The following MAPK6 variants were observed in gnomAD, a reference collection of about 807,000 sequenced individuals.
MAPK6 encodes the protein ERK-3.
Under a neutral mutation model 59.3 loss-of-function variants are expected in MAPK6, and 19 were observed. The ratio of observed to expected loss-of-function variants is 0.32; its 90% CI spans 0.22 to 0.47. The LOEUF (loss-of-function observed/expected upper bound fraction) is 0.47, where lower values mean the gene tolerates loss of function less well. MAPK6 is among the 20% of genes least tolerant of loss of function. The pLI, the probability that MAPK6 is intolerant of heterozygous loss-of-function variation, is 1.00. For synonymous variants in MAPK6, 316 were observed against 290.3 expected, an observed-to-expected ratio of 1.09 and a Z score of -0.90; for missense variants, 724 against 847.9, an observed-to-expected ratio of 0.85 and a Z score of 1.81.
chr15:51,975,995 G>A (rs1008784714), intron 1 of MAPK6, among the ~76,000 whole-genome samples: 6 of 151,716 alleles, frequency 4.0e-5, no homozygotes, highest in Admixed American at 1.3e-4. Flanking sequence ...GGCTGGACAC[G>A]GTGGCTCACG....
upstream of MAPK6, among the ~76,000 whole-genome samples, chr15:52,015,303 C>G (rs1168881059): frequency 6.6e-6 from 1 of 151,146 alleles, no homozygotes; most frequent in Non-Finnish European, 1.5e-5. Flanking sequence ...ACCCAGCCTA[C>G]ACCTGACTAA....
intron 2 of MAPK6, among the ~76,000 whole-genome samples, chr15:51,997,309 T>A (rs2057227410): frequency 6.6e-6 from 1 of 151,288 alleles, no homozygotes; most frequent in Non-Finnish European, 1.5e-5. Context: ...TCTTGCTTTG[T>A]CACCTAGGAT....
chr15:52,016,064 G>GCACACA (rs1219275611), upstream of MAPK6, among the ~76,000 whole-genome samples: 107 of 54,974 alleles, frequency 1.9e-3, 1 homozygote, highest in African/African-American at 2.8e-3. Flanking sequence ...GCGCGCGCGC[G>GCACACA]CGCGCGCACA....
chr15:52,041,072 C>G (rs563746390), intron 1 of MAPK6, among the ~76,000 whole-genome samples: 18 of 152,278 alleles, frequency 1.2e-4, no homozygotes, highest in African/African-American at 3.6e-4. Context: ...TGGAAAGATG[C>G]TGGAAAGGGT....
intron 1 of MAPK6, among the ~76,000 whole-genome samples, chr15:52,020,943 A>G (rs2030504762): frequency 1.3e-5 from 2 of 152,230 alleles, no homozygotes; most frequent in South Asian, 2.1e-4. Flanking sequence ...AGCAGAACAT[A>G]TTTGATCACC....
At chr15:51,988,591 G>T (rs1485018119) in intron 2 of MAPK6, among the ~76,000 whole-genome samples, 1 of 151,986 alleles carries the variant, frequency 6.6e-6, no homozygotes, top group Admixed American at 6.6e-5. Context: ...AATTAGCCGG[G>T]TGTGGTGGCA....
chr15:51,996,585 G>A (rs1178436010), intron 2 of MAPK6, among the ~76,000 whole-genome samples: 4 of 151,600 alleles, frequency 2.6e-5, no homozygotes, highest in South Asian at 4.2e-4. Context: ...TAGTAGAAAC[G>A]AGGTTTCGCC....
At chr15:52,010,650 C>G (rs2030029159) in intron 3 of MAPK6, among the ~76,000 whole-genome samples, 1 of 151,776 alleles carries the variant, frequency 6.6e-6, no homozygotes, top group South Asian at 2.1e-4. Flanking sequence ...TCCTGAGTAG[C>G]TGGGACTACA....
At chr15:52,031,439 T>C (rs1326525905) in intron 1 of MAPK6, among the ~76,000 whole-genome samples, 2 of 152,186 alleles carry the variant, frequency 1.3e-5, no homozygotes, top group African/African-American at 4.8e-5. Context: ...AGATTATATT[T>C]TGCCTATTTT....
intron 2 of MAPK6, among the ~76,000 whole-genome samples, chr15:51,993,301 C>T (rs2057215312): frequency 6.6e-6 from 1 of 152,130 alleles, no homozygotes; most frequent in Admixed American, 6.6e-5. Flanking sequence ...AACAAAAGAT[C>T]CTCCTAGCAC....
intron 2 of MAPK6, among the ~76,000 whole-genome samples, chr15:51,987,119 T>C (rs1199897183): frequency 6.6e-6 from 1 of 152,246 alleles, no homozygotes; most frequent in Non-Finnish European, 1.5e-5. Flanking sequence ...AGCTTTTCTC[T>C]GGGAGTACTG....
chr15:52,038,949 A>G lies in MAPK6; in HGVS notation c.-631-6881A>G, dbSNP rs113936261. ...CATAGACTTAGAATTGGAAGAGTCT[A>G]TAGGGATGTTATTACTAGTTTATCT... On this transcript the variant is annotated intron_variant, in intron 1 of 5. Transcript: ENST00000261845. Among the ~76,000 whole-genome samples the G allele has an allele frequency of 9.9e-4, 151 of 152,316 alleles. 1 individual carries two copies. Among genetic ancestry groups the G allele is most frequent in the African/African-American group, 3.3e-3 (139 of 41,580 alleles).
rs1467107256 is a variant in MAPK6, at chr15:52,045,151, A to G, written c.-631-679A>G. ...TTTATTCATTTATATGTTTATGCCA[A>G]ATTGCTCTGAAGTTTTTACTAATTT... On this transcript the variant is annotated intron_variant, in intron 1 of 5. Transcript: ENST00000261845. Among the ~76,000 whole-genome samples the G allele has an allele frequency of 2.0e-5, 3 of 152,088 alleles. No homozygotes were observed. In the East Asian group the frequency reaches 5.8e-4, roughly 29 times the overall value.
intron 1 of MAPK6, among the ~76,000 whole-genome samples, chr15:52,036,301 A>G (rs1051782406): frequency 6.6e-6 from 1 of 152,152 alleles, no homozygotes; most frequent in African/African-American, 2.4e-5. Context: ...CTTTAAACTT[A>G]TGGTTTATTT....
At chr15:52,044,980 T>C (rs2031554431) in intron 1 of MAPK6, among the ~76,000 whole-genome samples, 1 of 149,678 alleles carries the variant, frequency 6.7e-6, no homozygotes, top group South Asian at 2.1e-4. Context: ...CAAAAAAAAC[T>C]ATTTTGCATG....
At chr15:52,007,989 G>A (rs1441899446) in intron 3 of MAPK6, among the ~76,000 whole-genome samples, 2 of 151,964 alleles carry the variant, frequency 1.3e-5, no homozygotes, top group Non-Finnish European at 2.9e-5. Context: ...TGGGATTACA[G>A]GCACCTGCCA....
At chr15:52,002,321 G>C (rs998329687) in intron 2 of MAPK6, among the ~76,000 whole-genome samples, 5 of 152,168 alleles carry the variant, frequency 3.3e-5, no homozygotes, top group African/African-American at 1.2e-4. Flanking sequence ...CTTCTGCCAG[G>C]GGTTATCTGG....
intron 1 of MAPK6, among the ~76,000 whole-genome samples, chr15:52,043,790 G>T (rs1487338642): frequency 9.4e-6 from 1 of 106,488 alleles, no homozygotes; most frequent in Non-Finnish European, 1.7e-5. Context: ...GCAGAGTCTC[G>T]CTGTGTCCCC....
At position 52,046,850 on chromosome 15, in the gene MAPK6, G is replaced by T. The variant is rs1216474317; in HGVS notation, c.390G>T (p.Arg130Ser). The T allele has an allele frequency of 1.2e-6, 2 of 1,613,984 alleles. No individual in the cohort carries two copies. Among genetic ancestry groups the T allele is most frequent in the Non-Finnish European group, 1.7e-6 (2 of 1,179,954 alleles). ...EQGPLLEEHA[R>S]LFMYQLLRGL... ...GCCCTTTACTGGAAGAGCATGCCAG[G>T]CTTTTCATGTATCAGCTGCTACGGG... Residue 130 changes from arginine to serine, a missense_variant, in exon 2 of 6, where the codon AGG (arginine) becomes AGT (serine). By Grantham distance (110) the Arg-to-Ser change is moderately radical. Coordinates refer to ENST00000261845, the MANE Select transcript of MAPK6 (RefSeq NM_002748.4).
Sources: gnomAD v4.1 joint callset for allele counts (sites outside exome capture counted in the v4.1 genomes callset) on GRCh38, gnomAD v4.1.1 for gene constraint, MANE v1.5 for transcripts, NCBI Gene and HGNC (gene_info 2026-07-23, HGNC 2026-07-21) for gene names.